The following BCKDHB variants were observed in gnomAD, a reference collection of about 807,000 sequenced individuals.
BCKDHB encodes the protein branched chain keto acid dehydrogenase E1 subunit beta.
BCKDHB carries 41 observed loss-of-function variants against 48.5 expected under a neutral mutation model. The observed-to-expected ratio is 0.85, with a 90% CI of 0.66 to 1.10. BCKDHB has a LOEUF of 1.10. BCKDHB is among the 50% of genes least tolerant of loss of function. The probability of loss-of-function intolerance (pLI) is 0.00; values close to 1 mark genes in which losing one functional copy is unlikely to be tolerated. For missense variants in BCKDHB, 496 were observed against 494.2 expected, an observed-to-expected ratio of 1.00 and a Z score of -0.03; for synonymous variants, 201 against 174.8, an observed-to-expected ratio of 1.15 and a Z score of -1.18.
intron 3 of BCKDHB, among the ~76,000 whole-genome samples, chr6:80,148,390 CT>C (rs1490037328): frequency 6.6e-6 from 1 of 152,156 alleles, no homozygotes; most frequent in East Asian, 1.9e-4. Context: ...TGTATGGTGA[CT>C]TTTGAGCTCT....
chr6:80,170,964 A>G (rs1454770242), intron 5 of BCKDHB, among the ~76,000 whole-genome samples: 4 of 152,120 alleles, frequency 2.6e-5, no homozygotes, highest in Non-Finnish European at 1.5e-5. Context: ...GATATTAACA[A>G]TATTACAGTT....
chr6:80,154,478 A>T lies in BCKDHB; in HGVS notation c.344-13200A>T, dbSNP rs536106957. 2.6e-5 allele frequency among the ~76,000 whole-genome samples: 4 copies of T among 152,260 alleles called. No individual in the cohort carries two copies. The East Asian group carries it at 7.7e-4, about 29-fold the overall frequency. ...TTGCTCCCCCTCCTAGGACACAACT[A>T]ATTCATTAAAGATCTTATCTAAGTT... On this transcript the variant is annotated intron_variant, in intron 3 of 9. Transcript: ENST00000320393.
chr6:80,321,062 A>G lies in BCKDHB; in HGVS notation c.1039-22602A>G, dbSNP rs573620089. On this transcript the variant is annotated intron_variant, in intron 9 of 9. Transcript: ENST00000320393. ...ATTCTATCCTAACCTAAACAAGCTTATATTATGAAAGTGGTGTTATTTTTT... is the reference window on the plus strand; with the variant it reads ...ATTCTATCCTAACCTAAACAAGCTTGTATTATGAAAGTGGTGTTATTTTTT... 5.9e-5 allele frequency among the ~76,000 whole-genome samples: 9 copies of G among 152,300 alleles called. No homozygotes were observed. The South Asian group carries it at 1.9e-3, about 32-fold the overall frequency.
intron 8 of BCKDHB, among the ~76,000 whole-genome samples, chr6:80,267,902 C>T (rs1019230430): frequency 1.1e-4 from 17 of 152,044 alleles, no homozygotes; most frequent in South Asian, 2.1e-4. Flanking sequence ...TTTTTCCACA[C>T]GGGTGATAAA....
the BCKDHB span, among the ~76,000 whole-genome samples, chr6:80,360,935 G>A: frequency 1.0e-4 from 15 of 150,144 alleles, no homozygotes; most frequent in African/African-American, 2.5e-5. Flanking sequence ...AACCAGGGAG[G>A]CGGAGGTTGC....
At chr6:80,125,850 ATGAAAAAGTT>A (rs1656216762) in intron 1 of BCKDHB, among the ~76,000 whole-genome samples, 1 of 152,186 alleles carries the variant, frequency 6.6e-6, no homozygotes, top group Non-Finnish European at 1.5e-5. Context: ...TGTAATAGTA[ATGAAAAAGTT>A]TGAAATATTG....
chr6:80,360,912 G>A, the BCKDHB span, among the ~76,000 whole-genome samples: 1 of 150,034 alleles, frequency 6.7e-6, no homozygotes, highest in African/African-American at 2.4e-5. Context: ...GGCTGAGGCA[G>A]GAGAATCGCT....
At chr6:80,176,180 A>T (rs1463205082) in intron 6 of BCKDHB, among the ~76,000 whole-genome samples, 2 of 152,140 alleles carry the variant, frequency 1.3e-5, no homozygotes, top group Non-Finnish European at 2.9e-5. Flanking sequence ...TAAGGAGGGG[A>T]AAGGAGAAGG....
chr6:80,362,572 T>C, the BCKDHB span, among the ~76,000 whole-genome samples: 93 of 152,214 alleles, frequency 6.1e-4, no homozygotes, highest in African/African-American at 2.2e-3. Flanking sequence ...AGAATGGTCA[T>C]AGGATCCGCA....
At position 80,307,565 on chromosome 6, in the gene BCKDHB, T is replaced by A. The variant is rs1001783357; in HGVS notation, c.1038+34344T>A. 4 of 976,370 alleles carry A rather than the reference T, an allele frequency of 4.1e-6. No individual in the cohort carries two copies. In the African/African-American group the frequency reaches 8.1e-5, roughly 20 times the overall value. The allele number at this position is 976,370 out of a possible 1,614,324, so 60.5% of individuals were successfully genotyped here. ...GTCTCCAGATGGGTCCATGAATGAC[T>A]AAAAAAAATCTTCTAGTGAAAAATA... On this transcript the variant is annotated intron_variant, in intron 9 of 9. Coordinates refer to ENST00000320393, the MANE Select transcript of BCKDHB (RefSeq NM_183050.4).
chr6:80,236,395 G>T (rs1458753797), intron 8 of BCKDHB, among the ~76,000 whole-genome samples: 1 of 152,130 alleles, frequency 6.6e-6, no homozygotes, highest in Admixed American at 6.5e-5. Context: ...TCCACTGTTT[G>T]GCTCTGTTGT....
intron 1 of BCKDHB, among the ~76,000 whole-genome samples, chr6:80,122,134 G>C (rs551987418): frequency 6.6e-6 from 1 of 152,332 alleles, no homozygotes; most frequent in South Asian, 2.1e-4. Flanking sequence ...CATTGGTTCT[G>C]TTTATGTGAT....
intron 8 of BCKDHB, among the ~76,000 whole-genome samples, chr6:80,205,004 T>G (rs995861276): frequency 1.3e-5 from 2 of 152,086 alleles, no homozygotes; most frequent in East Asian, 3.9e-4. Flanking sequence ...GCGTCATTAT[T>G]TTGTTTTGTT....
At chr6:80,412,974 C>T in the BCKDHB span, among the ~76,000 whole-genome samples, 5 of 152,240 alleles carry the variant, frequency 3.3e-5, no homozygotes, top group African/African-American at 1.2e-4. Flanking sequence ...TATAATGTGA[C>T]TCAGTGAAGA....
intron 6 of BCKDHB, among the ~76,000 whole-genome samples, chr6:80,198,429 T>C (rs1774232121): frequency 6.6e-6 from 1 of 152,202 alleles, no homozygotes; most frequent in South Asian, 2.1e-4. Flanking sequence ...AAAAAAGTAG[T>C]TTTATAGATT....
chr6:80,402,068 A>T, the BCKDHB span, among the ~76,000 whole-genome samples: 1 of 151,794 alleles, frequency 6.6e-6, no homozygotes, highest in Non-Finnish European at 1.5e-5. Flanking sequence ...TAATGCTGCA[A>T]TAAGCATGGG....
Position 80,212,869 on chromosome 6 carries a change from C to T in BCKDHB, c.951+9657C>T, listed in dbSNP as rs146805721. Among the ~76,000 whole-genome samples the T allele has an allele frequency of 4.8e-3, 730 of 152,304 alleles. 2 individuals carry two copies. The highest frequency in any genetic ancestry group is 0.016 in the African/African-American group (684 of 41,560). The stretch of plus-strand genomic sequence containing the variant: ...GTGATACTGAATCCTATCAAGACTT[C>T]CTTTCACCTTTTCCTTCTTTCCTCT... On this transcript the variant is annotated intron_variant, in intron 8 of 9. Transcript: ENST00000320393.
intron 8 of BCKDHB, among the ~76,000 whole-genome samples, chr6:80,233,865 C>G (rs907094832): frequency 6.6e-6 from 1 of 152,156 alleles, no homozygotes; most frequent in African/African-American, 2.4e-5. Flanking sequence ...TCGTATAGAG[C>G]AGCACTTCCC....
At chr6:80,203,026 T>C (rs922516948) in intron 7 of BCKDHB, 76 bp from the exon 8 acceptor site, 1 of 930,180 alleles carries the variant, frequency 1.1e-6, no homozygotes. Flanking sequence ...TCTCTAATAG[T>C]GACATCAGCA....
Sources: allele counts gnomAD v4.1 joint callset (sites outside exome capture counted in the v4.1 genomes callset), GRCh38; gene constraint gnomAD v4.1.1; transcripts MANE v1.5; gene names NCBI Gene and HGNC (gene_info 2026-07-23, HGNC 2026-07-21).